The following SLC4A5 variants were observed in gnomAD, a reference collection of about 807,000 sequenced individuals.
SLC4A5 encodes solute carrier family 4 member 5, also known as electrogenic sodium bicarbonate cotransporter 4.
Under a neutral mutation model 120.4 loss-of-function variants are expected in SLC4A5, and 96 were observed. The observed-to-expected ratio is 0.80, with a 90% CI of 0.68 to 0.94. The LOEUF (loss-of-function observed/expected upper bound fraction) is 0.94, where lower values mean the gene tolerates loss of function less well. Ranked by LOEUF, SLC4A5 falls within the 40% of genes least tolerant of loss-of-function variation. SLC4A5 has a pLI of 0.00. For synonymous variants in SLC4A5, 550 were observed against 571.1 expected (o/e 0.96, Z 0.53); for missense variants, 1,259 against 1,459.5 (o/e 0.86, Z 2.24).
At chr2:74,295,165 G>T (rs751214978) in intron 7 of SLC4A5, among the ~76,000 whole-genome samples, 1 of 151,400 alleles carries the variant, frequency 6.6e-6, no homozygotes, top group Non-Finnish European at 1.5e-5. Context: ...AGGAGAGGGG[G>T]CTCAGAAACC....
chr2:74,286,772 G>C (rs957736308), intron 7 of SLC4A5, among the ~76,000 whole-genome samples: 2 of 152,192 alleles, frequency 1.3e-5, no homozygotes, highest in African/African-American at 2.4e-5. Context: ...TCTCTGAGGA[G>C]GGGACACTGG....
intron 9 of SLC4A5, among the ~76,000 whole-genome samples, 193 bp from the exon 10 acceptor site, chr2:74,264,492 G>GTGTGTGTGTGTGTGTA (rs1671239961): frequency 6.8e-6 from 1 of 146,868 alleles, no homozygotes; most frequent in African/African-American, 2.5e-5. Context: ...AAGGGCACGT[G>GTGTGTGTGTGTGTGTA]TGTGTGTGTG....
chr2:74,340,541 T>C (rs1353120706), intron 2 of SLC4A5, among the ~76,000 whole-genome samples: 1 of 151,510 alleles, frequency 6.6e-6, no homozygotes, highest in Non-Finnish European at 1.5e-5. Flanking sequence ...GAAATTCCCA[T>C]GGGGCCATGA....
intron 7 of SLC4A5, among the ~76,000 whole-genome samples, chr2:74,300,042 T>TA (rs1485456361): frequency 1.3e-5 from 2 of 152,090 alleles, no homozygotes; most frequent in Non-Finnish European, 2.9e-5. Flanking sequence ...TATTCAGCCA[T>TA]AAAAAAGAAG....
chr2:74,239,694 A>G (rs2103943579), intron 20 of SLC4A5, among the ~76,000 whole-genome samples, 159 bp from the exon 21 acceptor site: 1 of 152,254 alleles, frequency 6.6e-6, no homozygotes, highest in East Asian at 1.9e-4. Flanking sequence ...GGTTCAAGGA[A>G]TGACAAGCTC....
At chr2:74,305,214 C>T (rs1425359455) in intron 6 of SLC4A5, among the ~76,000 whole-genome samples, 1 of 152,148 alleles carries the variant, frequency 6.6e-6, no homozygotes, top group African/African-American at 2.4e-5. Context: ...AATTCAGAAT[C>T]CCACTAATAA....
At chr2:74,295,646 C>T (rs1365770021) in intron 7 of SLC4A5, among the ~76,000 whole-genome samples, 2 of 152,016 alleles carry the variant, frequency 1.3e-5, no homozygotes, top group East Asian at 1.9e-4. Flanking sequence ...AAACAAAAAA[C>T]ACAAAACAAA....
At chr2:74,274,853 A>C (rs568191526) in intron 8 of SLC4A5, among the ~76,000 whole-genome samples, 3 of 152,220 alleles carry the variant, frequency 2.0e-5, no homozygotes, top group Non-Finnish European at 4.4e-5. Flanking sequence ...AATTATCACC[A>C]AAAAGTTGCT....
At chr2:74,251,201 C>T (rs1475383765) in intron 16 of SLC4A5, among the ~76,000 whole-genome samples, 1 of 151,850 alleles carries the variant, frequency 6.6e-6, no homozygotes, top group Admixed American at 6.6e-5. Context: ...GTAGCATCTC[C>T]CCTCTCCGGT....
intron 7 of SLC4A5, among the ~76,000 whole-genome samples, chr2:74,301,852 T>C (rs1257225814): frequency 6.6e-6 from 1 of 152,210 alleles, no homozygotes; most frequent in African/African-American, 2.4e-5. Flanking sequence ...TTACCAGGCT[T>C]TGTGGCTTCC....
intron 8 of SLC4A5, among the ~76,000 whole-genome samples, chr2:74,267,483 G>T (rs2104065323): frequency 6.6e-6 from 1 of 152,144 alleles, no homozygotes; most frequent in East Asian, 1.9e-4. Flanking sequence ...AAATATGTGG[G>T]TGAACTCACA....
intron 8 of SLC4A5, among the ~76,000 whole-genome samples, chr2:74,276,297 T>C (rs1671638077): frequency 6.6e-6 from 1 of 152,168 alleles, no homozygotes; most frequent in Admixed American, 6.5e-5. Flanking sequence ...TCATAAGCTC[T>C]TTAAGAACAG....
intron 5 of SLC4A5, among the ~76,000 whole-genome samples, chr2:74,318,521 A>G (rs1466499983): frequency 1.3e-5 from 2 of 152,130 alleles, no homozygotes; most frequent in African/African-American, 4.8e-5. Context: ...CCCCGTATCT[A>G]CTAAAAATAC....
At chr2:74,273,995 T>C (rs1010316061) in intron 8 of SLC4A5, among the ~76,000 whole-genome samples, 3 of 152,238 alleles carry the variant, frequency 2.0e-5, no homozygotes, top group African/African-American at 2.4e-5. Context: ...CAAAACCCTG[T>C]CTGTACTAAA....
chr2:74,283,562 G>A (rs1671880329), intron 8 of SLC4A5, among the ~76,000 whole-genome samples: 1 of 152,154 alleles, frequency 6.6e-6, no homozygotes, highest in South Asian at 2.1e-4. Context: ...GTCCAAACCT[G>A]TGCCTTCTGG....
In SLC4A5 at chr2:74,231,399, G is replaced by T; in HGVS notation, c.2775-91C>A. 3.2e-6 allele frequency: 4 copies of T among 1,230,986 alleles called. 1 individual carries two copies. In the South Asian group the frequency reaches 4.6e-5, roughly 14 times the overall value. 76.3% of individuals were successfully genotyped at this position (1,230,986 alleles called of 1,614,324 possible). A position where few individuals can be genotyped will look rare whatever the true frequency, so the allele number is the denominator to read the frequency against. ...GCCCCTCTGTGGGCACCTGAAGCTT[G>T]TGTCCAAGGCCATGGCCTTGAGGGC... is the stretch of plus-strand genomic sequence containing the variant. On this transcript the variant is annotated intron_variant, in intron 24 of 30. Coordinates refer to ENST00000394019, the Ensembl canonical transcript of SLC4A5.
chr2:74,217,962 C>G (rs1694495438), exon 31 of SLC4A5: 1 of 152,250 alleles, frequency 6.6e-6, no homozygotes, highest in African/African-American at 2.4e-5. Flanking sequence ...TGCCACCACA[C>G]CCGGCTAATT....
Position 74,283,149 on chromosome 2 carries a change from G to A in SLC4A5, c.401+2624C>T, listed in dbSNP as rs190697036. On this transcript the variant is annotated intron_variant, in intron 8 of 30. Coordinates refer to ENST00000394019, the Ensembl canonical transcript of SLC4A5. ...GTTAGAGACAGAAAGAGAAAGGGCT[G>A]AGAAAATGAGGAAAGGAAGACAAAG... Among the ~76,000 whole-genome samples the A allele has an allele frequency of 4.6e-5, 7 of 152,338 alleles. No homozygotes were observed. In the East Asian group the frequency reaches 1.4e-3, roughly 29 times the overall value.
At chr2:74,317,849 C>T (rs1673004709) in intron 5 of SLC4A5, among the ~76,000 whole-genome samples, 1 of 152,186 alleles carries the variant, frequency 6.6e-6, no homozygotes, top group African/African-American at 2.4e-5. Flanking sequence ...CACTGTAAGT[C>T]TATCATTCAA....
Sources: gnomAD v4.1 joint callset for allele counts (sites outside exome capture counted in the v4.1 genomes callset) on GRCh38, gnomAD v4.1.1 for gene constraint, MANE v1.5 for transcripts, NCBI Gene and HGNC (gene_info 2026-07-23, HGNC 2026-07-21) for gene names.